Variants in UGT2A2 observed in about 807,000 individuals in gnomAD.
The protein encoded by UGT2A2 is UDP-glucuronosyltransferase 2A2.
In UGT2A2, 60 loss-of-function variants were observed where a neutral mutation model predicts 50.7. The observed-to-expected ratio is 1.18, with a 90% CI of 0.96 to 1.47. The LOEUF is 1.47. Among genes scored for constraint, UGT2A2 ranks in the 40% most tolerant of loss-of-function variants. The probability of loss-of-function intolerance (pLI) is 0.00; values close to 1 mark genes in which losing one functional copy is unlikely to be tolerated. For synonymous variants in UGT2A2, 242 were observed against 214.6 expected, an observed-to-expected ratio of 1.13 and a Z score of -1.11; for missense variants, 762 against 634.0, an observed-to-expected ratio of 1.20 and a Z score of -2.17.
At chr4:69,627,997 G>T (rs375359031) in intron 1 of UGT2A2, among the ~76,000 whole-genome samples, 285 of 151,844 alleles carry the variant, frequency 1.9e-3, no homozygotes, top group African/African-American at 6.6e-3. Context: ...TGTCTCTTTT[G>T]CTGGCCAGAA....
chr4:69,616,877 CCCACT>C (rs1463075704), intron 1 of UGT2A2, among the ~76,000 whole-genome samples: 2 of 80,468 alleles, frequency 2.5e-5, no homozygotes, highest in African/African-American at 8.9e-5. Flanking sequence ...GTTTCATTTT[CCCACT>C]TGAAATTGCC....
chr4:69,603,180 T>C (rs1022165211), intron 1 of UGT2A2, among the ~76,000 whole-genome samples: 4 of 136,522 alleles, frequency 2.9e-5, no homozygotes, highest in Admixed American at 2.9e-4. Context: ...CTAAAATCCA[T>C]ACGGAAAAGC....
rs189369149 is a variant in UGT2A2, at chr4:69,590,242, A to C, written c.1332-591T>G. On this transcript the variant is annotated intron_variant, in intron 5 of 5. Transcript: ENST00000604629. Reference sequence around the variant, plus strand: ...TGGTGATTTAAGAAGTGGCATATCCAAGTACATGAACTTTGATGTTTCAAT... The same window carrying C: ...TGGTGATTTAAGAAGTGGCATATCCCAGTACATGAACTTTGATGTTTCAAT... Among the ~76,000 whole-genome samples the C allele has an allele frequency of 2.6e-3, 391 of 152,328 alleles. 2 individuals carry two copies. The highest frequency in any genetic ancestry group is 9.0e-3 in the African/African-American group (376 of 41,582).
intron 5 of UGT2A2, among the ~76,000 whole-genome samples, chr4:69,591,373 G>A (rs969148211): frequency 6.6e-6 from 1 of 152,266 alleles, no homozygotes; most frequent in South Asian, 2.1e-4. Flanking sequence ...CCAGGCTATA[G>A]GTAAATTTAA....
At chr4:69,629,767 T>C (rs1396127376) in intron 1 of UGT2A2, among the ~76,000 whole-genome samples, 1 of 152,106 alleles carries the variant, frequency 6.6e-6, no homozygotes, top group Non-Finnish European at 1.5e-5. Flanking sequence ...TCTCTCCTTA[T>C]TTTAATCTGT....
At chr4:69,604,338 A>G (rs1719473264) in intron 1 of UGT2A2, among the ~76,000 whole-genome samples, 1 of 136,304 alleles carries the variant, frequency 7.3e-6, no homozygotes, top group African/African-American at 3.0e-5. Context: ...GAGGAGAAGG[A>G]GAAATAAAAT....
intron 1 of UGT2A2, among the ~76,000 whole-genome samples, chr4:69,623,807 C>T (rs991107964): frequency 2.6e-5 from 4 of 151,150 alleles, no homozygotes; most frequent in Admixed American, 1.3e-4. Context: ...GAGCTTAATG[C>T]TTTTTAAAAC....
intron 1 of UGT2A2, among the ~76,000 whole-genome samples, chr4:69,631,318 A>ATC (rs35582043): frequency 0.79 from 120,582 of 151,802 alleles, 48,029 homozygotes; most frequent in South Asian, 0.86. Context: ...CTTAATTTTT[A>ATC]TGTTTTTATT....
intron 1 of UGT2A2, chr4:69,603,455 C>T (rs760225429): frequency 7.3e-6 from 1 of 136,720 alleles, no homozygotes; most frequent in Non-Finnish European, 1.6e-5. Flanking sequence ...GATAAAACCA[C>T]AAAGATAGGG....
At chr4:69,604,819 A>G (rs1344186557) in intron 1 of UGT2A2, among the ~76,000 whole-genome samples, 1 of 137,158 alleles carries the variant, frequency 7.3e-6, no homozygotes, top group Non-Finnish European at 1.6e-5. Context: ...CAAAAGAGAC[A>G]AAGAAGGCCA....
At position 69,614,929 on chromosome 4, in the gene UGT2A2, G is replaced by A. The variant is rs563156414; in HGVS notation, c.743-15535C>T. ...CAGACAACTTACAATTGTGGTGGAA[G>A]GGCAATGGGGAAGCAAGCACATCTT... On this transcript the variant is annotated intron_variant, in intron 1 of 5. Coordinates refer to ENST00000604629, the MANE Select transcript of UGT2A2 (RefSeq NM_001105677.2). Among the ~76,000 whole-genome samples the A allele has an allele frequency of 9.2e-5, 14 of 152,144 alleles. No individual in the cohort carries two copies. In the South Asian group the frequency reaches 2.9e-3, roughly 32 times the overall value.
intron 1 of UGT2A2, chr4:69,599,695 A>AAGGG (rs1719151187): frequency 5.0e-6 from 1 of 199,348 alleles, no homozygotes; most frequent in South Asian, 1.4e-4. Context: ...GAAATAAAGA[A>AAGGG]AGAGAGAGAG....
chr4:69,627,336 T>G (rs1415616823), intron 1 of UGT2A2, among the ~76,000 whole-genome samples: 1 of 151,798 alleles, frequency 6.6e-6, no homozygotes, highest in Non-Finnish European at 1.5e-5. Flanking sequence ...CTTAACAGCA[T>G]TAAAACAGTA....
chr4:69,619,298 C>T (rs533173323), intron 1 of UGT2A2, among the ~76,000 whole-genome samples: 165 of 151,774 alleles, frequency 1.1e-3, no homozygotes, highest in African/African-American at 3.9e-3. Flanking sequence ...TACTTTGGAA[C>T]TGAGGTGGGA....
At chr4:69,596,762 T>A (rs553586893) in intron 2 of UGT2A2, among the ~76,000 whole-genome samples, 51 of 152,290 alleles carry the variant, frequency 3.3e-4, no homozygotes, top group African/African-American at 1.2e-3. Context: ...CCTCCAGTGA[T>A]CCACCTGCCT....
At chr4:69,619,513 A>G (rs190912403) in intron 1 of UGT2A2, among the ~76,000 whole-genome samples, 4 of 152,022 alleles carry the variant, frequency 2.6e-5, no homozygotes, top group Admixed American at 2.6e-4. Flanking sequence ...AAATTTTAAA[A>G]TAACGTTAAA....
At position 69,589,563 on chromosome 4, in the gene UGT2A2, C is replaced by CA; in HGVS notation, c.1419dup (p.Val474CysfsTer16). On this transcript the variant is annotated frameshift_variant, in exon 6 of 6. Coordinates refer to ENST00000604629, the MANE Select transcript of UGT2A2 (RefSeq NM_001105677.2). LOFTEE classifies it high-confidence loss of function. ...TGCTTGGCTCCTTTGTGGCGCATGA[C>CA]AAACTCGATCCAGAAGACTGCTCGA... 6.2e-7 allele frequency: 1 copy of CA among 1,614,056 alleles called. No homozygotes were observed. The highest frequency in any genetic ancestry group is 8.5e-7 in the Non-Finnish European group (1 of 1,179,954).
At position 69,616,119 on chromosome 4, in the gene UGT2A2, G is replaced by A. The variant is rs575167544; in HGVS notation, c.743-16725C>T. Among the ~76,000 whole-genome samples the A allele has an allele frequency of 3.8e-4, 58 of 152,034 alleles. 2 individuals are homozygous for A. The South Asian group carries it at 0.01, about 27-fold the overall frequency. On this transcript the variant is annotated intron_variant, in intron 1 of 5. Coordinates refer to ENST00000604629, the MANE Select transcript of UGT2A2 (RefSeq NM_001105677.2). ...AGTCAAATGAAATAAGCCAGGCGCGGAAAGACAAATATGCCGTGTTTTCAC... is the reference window on the plus strand; with the variant it reads ...AGTCAAATGAAATAAGCCAGGCGCGAAAAGACAAATATGCCGTGTTTTCAC...
chr4:69,631,847 A>C (rs1462094563), intron 1 of UGT2A2, among the ~76,000 whole-genome samples: 2 of 152,054 alleles, frequency 1.3e-5, no homozygotes, highest in African/African-American at 4.8e-5. Context: ...GATTGGTTGA[A>C]TTCAATTTCT....
Sources: gnomAD v4.1 joint callset for allele counts (sites outside exome capture counted in the v4.1 genomes callset) on GRCh38, gnomAD v4.1.1 for gene constraint, MANE v1.5 for transcripts, NCBI Gene and HGNC (gene_info 2026-07-23, HGNC 2026-07-21) for gene names.